Variants in LARGE1 observed in about 807,000 individuals in gnomAD.
LARGE1 encodes the protein LARGE xylosyl- and glucuronyltransferase 1.
A neutral mutation model predicts 87.6 loss-of-function variants in LARGE1; 43 were observed. The observed-to-expected ratio is 0.49, with a 90% CI of 0.38 to 0.63. The LOEUF (loss-of-function observed/expected upper bound fraction) is 0.63, where lower values mean the gene tolerates loss of function less well. LARGE1 is among the 30% of genes least tolerant of loss of function. The probability of loss-of-function intolerance (pLI) is 0.00; values close to 1 mark genes in which losing one functional copy is unlikely to be tolerated. For missense variants in LARGE1, 802 were observed against 1,000.2 expected (o/e 0.80, Z 2.67); for synonymous variants, 434 against 394.6 (o/e 1.10, Z -1.18).
intron 1 of LARGE1, among the ~76,000 whole-genome samples, chr22:33,853,348 C>G (rs1195231265): frequency 1.3e-5 from 2 of 152,188 alleles, no homozygotes; most frequent in Non-Finnish European, 2.9e-5. Context: ...CAAGCACACA[C>G]AGGTTTACAA....
intron 2 of LARGE1, among the ~76,000 whole-genome samples, chr22:33,706,635 T>TAAATC (rs2082570756): frequency 6.6e-6 from 1 of 152,194 alleles, no homozygotes; most frequent in Admixed American, 6.5e-5. Context: ...AAAAATCAAC[T>TAAATC]AAATCGCTTT....
chr22:33,193,575 G>T (rs1014657865), intron 11 of LARGE1, among the ~76,000 whole-genome samples: 1 of 152,148 alleles, frequency 6.6e-6, no homozygotes, highest in Non-Finnish European at 1.5e-5. Context: ...ACTTTGGGAG[G>T]TCAGGCATGA....
At chr22:33,889,631 G>A (rs2146821512) in intron 1 of LARGE1, among the ~76,000 whole-genome samples, 1 of 152,228 alleles carries the variant, frequency 6.6e-6, no homozygotes, top group African/African-American at 2.4e-5. Flanking sequence ...TGGGTCTGGT[G>A]TTTGCAGGGG....
chr22:33,525,894 C>T (rs1162667466), intron 6 of LARGE1, among the ~76,000 whole-genome samples: 2 of 152,138 alleles, frequency 1.3e-5, no homozygotes, highest in South Asian at 2.1e-4. Flanking sequence ...AAATGTTAAA[C>T]ATGGAGTCAA....
chr22:33,505,370 G>A (rs562039824), intron 6 of LARGE1, among the ~76,000 whole-genome samples: 1 of 152,290 alleles, frequency 6.6e-6, no homozygotes, highest in Non-Finnish European at 1.5e-5. Flanking sequence ...TACCATTATC[G>A]TAGTAGAGAT....
intron 9 of LARGE1, among the ~76,000 whole-genome samples, chr22:33,351,782 C>T (rs1463227646): frequency 6.6e-6 from 1 of 151,652 alleles, no homozygotes; most frequent in African/African-American, 2.4e-5. Context: ...GACAGAGTCA[C>T]CCAGGCTGGT....
intron 6 of LARGE1, among the ~76,000 whole-genome samples, chr22:33,474,310 T>G (rs2068980778): frequency 6.6e-6 from 1 of 152,178 alleles, no homozygotes; most frequent in African/African-American, 2.4e-5. Context: ...ATTATAGGCA[T>G]GCACCACCAT....
At chr22:33,501,516 G>C (rs1457224275) in intron 6 of LARGE1, among the ~76,000 whole-genome samples, 1 of 152,176 alleles carries the variant, frequency 6.6e-6, no homozygotes, top group Non-Finnish European at 1.5e-5. Context: ...GAGATGGGCT[G>C]GTTTCCCTGA....
chr22:33,309,170 C>CTTTT (rs560481122), intron 11 of LARGE1, among the ~76,000 whole-genome samples: 1 of 140,346 alleles, frequency 7.1e-6, no homozygotes, highest in South Asian at 2.3e-4. Flanking sequence ...AGATTCGTGC[C>CTTTT]TTTTTTTTTT....
intron 12 of LARGE1, among the ~76,000 whole-genome samples, chr22:33,301,261 T>C (rs894756305): frequency 1.3e-5 from 2 of 152,124 alleles, no homozygotes; most frequent in Admixed American, 1.3e-4. Flanking sequence ...GTCTGCTTAT[T>C]TGGGGCTTCC....
chr22:33,437,196 GTAAA>G lies in LARGE1; in HGVS notation c.788-4935_788-4932del, dbSNP rs574497851. ...AGCTCCGTTACTGCTTTAGTCAAGG[GTAAA>G]TTTCACCTGCAGGGTGACTGGCACA... On this transcript the variant is annotated intron_variant, in intron 6 of 14. Transcript: ENST00000397394. Among the ~76,000 whole-genome samples, 283 of 152,254 alleles carry G rather than the reference GTAAA, an allele frequency of 1.9e-3. 2 individuals carry two copies. The highest frequency in any genetic ancestry group is 6.4e-3 in the African/African-American group (267 of 41,550).
rs1259337010 is a variant in LARGE1, at chr22:33,522,647, A to G, written c.787+42201T>C. ...GGAGCTCAAGACCAGCCTGGCCAACATGGTGAAACCCCATCTGTACTAAAA... is the reference window on the plus strand; with the variant it reads ...GGAGCTCAAGACCAGCCTGGCCAACGTGGTGAAACCCCATCTGTACTAAAA... On this transcript the variant is annotated intron_variant, in intron 6 of 14. Transcript: ENST00000397394. Among the ~76,000 whole-genome samples, 3 of 152,082 alleles carry G rather than the reference A, an allele frequency of 2.0e-5. No homozygotes were observed. The East Asian group carries it at 5.8e-4, about 29-fold the overall frequency.
chr22:33,586,135 G>A (rs2078665900), intron 5 of LARGE1, among the ~76,000 whole-genome samples: 1 of 152,216 alleles, frequency 6.6e-6, no homozygotes, highest in South Asian at 2.1e-4. Flanking sequence ...TGGATGGACT[G>A]CCAGTTGAGT....
intron 6 of LARGE1, among the ~76,000 whole-genome samples, chr22:33,517,056 G>A (rs2071344052): frequency 2.0e-5 from 3 of 152,174 alleles, no homozygotes; most frequent in South Asian, 4.1e-4. Context: ...CGAGGAGTGT[G>A]AATAATTCAG....
the LARGE1 span, among the ~76,000 whole-genome samples, chr22:33,151,134 C>T: frequency 2.0e-5 from 3 of 152,168 alleles, no homozygotes; most frequent in South Asian, 4.2e-4. Context: ...TGAAGAGGAG[C>T]ATTATGTAGT....
intron 2 of LARGE1, among the ~76,000 whole-genome samples, chr22:33,687,102 T>C (rs1010501823): frequency 6.6e-6 from 1 of 152,024 alleles, no homozygotes; most frequent in African/African-American, 2.4e-5. Context: ...TCTGGAATAT[T>C]CTTCCCTCAG....
intron 2 of LARGE1, among the ~76,000 whole-genome samples, chr22:33,663,733 C>G (rs240350): frequency 0.51 from 77,114 of 152,054 alleles, 21,424 homozygotes; most frequent in Middle Eastern, 0.65. Context: ...ATACTTCCAT[C>G]TTTTGGCTCT....
intron 1 of LARGE1, among the ~76,000 whole-genome samples, chr22:33,827,560 T>G (rs1165372597): frequency 1.3e-5 from 2 of 152,172 alleles, no homozygotes; most frequent in Non-Finnish European, 2.9e-5. Flanking sequence ...GTGCAAAAGT[T>G]CTGGCCTGAA....
intron 2 of LARGE1, among the ~76,000 whole-genome samples, chr22:33,757,220 A>C (rs945103371): frequency 2.0e-5 from 3 of 152,160 alleles, no homozygotes; most frequent in African/African-American, 7.2e-5. Context: ...ACAGGGAGAC[A>C]ATGCCTGCCT....
Sources: gnomAD v4.1 joint callset for allele counts (sites outside exome capture counted in the v4.1 genomes callset) on GRCh38, gnomAD v4.1.1 for gene constraint, MANE v1.5 for transcripts, NCBI Gene and HGNC (gene_info 2026-07-23, HGNC 2026-07-21) for gene names.